AMZ1: variants seen among roughly 807,000 people sequenced by gnomAD.
AMZ1 encodes the protein archaelysin family metallopeptidase 1, also known as archaemetzincin-1.
Under a neutral mutation model 29.9 loss-of-function variants are expected in AMZ1, and 39 were observed. That is an observed-to-expected ratio of 1.30 (90% confidence interval 1.01 to 1.70). The LOEUF (loss-of-function observed/expected upper bound fraction) is 1.70, where lower values mean the gene tolerates loss of function less well. Ranked by LOEUF, AMZ1 falls within the 40% of genes most tolerant of loss-of-function variation. The pLI, the probability that AMZ1 is intolerant of heterozygous loss-of-function variation, is 0.00. For missense variants in AMZ1, 1,041 were observed against 680.6 expected (o/e 1.53, Z -5.89); for synonymous variants, 458 against 304.0 (o/e 1.51, Z -5.27).
chr7:2,728,798 T>C (rs1388217763), intron 4 of AMZ1: 1 of 152,370 alleles, frequency 6.6e-6, no homozygotes, highest in Non-Finnish European at 1.5e-5. Context: ...TTACAGAATT[T>C]GGAAGGGGGT....
intron 1 of AMZ1, among the ~76,000 whole-genome samples, chr7:2,693,056 G>C (rs554073915): frequency 1.3e-5 from 2 of 152,292 alleles, no homozygotes; most frequent in East Asian, 3.9e-4. Flanking sequence ...TGGGAGTGTG[G>C]GCCTGGCACG....
chr7:2,733,763 T>C (rs1330350814), intron 4 of AMZ1, among the ~76,000 whole-genome samples: 1 of 152,226 alleles, frequency 6.6e-6, no homozygotes, highest in Non-Finnish European at 1.5e-5. Context: ...GGTTTTGGTG[T>C]GTGGTGCGAT....
At position 2,700,377 on chromosome 7, in the gene AMZ1, A is replaced by T; in HGVS notation, c.-75A>T. 1 of 1,512,388 alleles carries T rather than the reference A, an allele frequency of 6.6e-7. No individual in the cohort carries two copies. Among genetic ancestry groups the T allele is most frequent in the African/African-American group, 1.4e-5 (1 of 72,952 alleles). 93.7% of individuals were successfully genotyped at this position (1,512,388 alleles called of 1,614,324 possible). On this transcript the variant is annotated 5_prime_UTR_variant, in exon 2 of 7. Transcript: ENST00000683327. ...AGCCCGAGGGAAGATTCTGGACGAG[A>T]CCGTGGCCGTCCCCCGGGTGGCCCA...
chr7:2,734,207 C>T (rs1790043719), intron 4 of AMZ1, among the ~76,000 whole-genome samples: 1 of 152,202 alleles, frequency 6.6e-6, no homozygotes, highest in Non-Finnish European at 1.5e-5. Flanking sequence ...CCGCCAAATG[C>T]GAGGCACACA....
chr7:2,708,437 T>C, intron 3 of AMZ1, 151 bp from the exon 4 acceptor site: 1 of 1,195,480 alleles, frequency 8.4e-7, no homozygotes, highest in Non-Finnish European at 1.2e-6. Context: ...CTGTGTGCCC[T>C]CAGGTCACAC....
chr7:2,741,274 G>C (rs1008558720), intron 4 of AMZ1, among the ~76,000 whole-genome samples: 1 of 152,100 alleles, frequency 6.6e-6, no homozygotes, highest in Non-Finnish European at 1.5e-5. Flanking sequence ...AGGATCACTT[G>C]AGCCCAGGAG....
chr7:2,750,464 C>T (rs1341827289), intron 4 of AMZ1, among the ~76,000 whole-genome samples: 1 of 152,202 alleles, frequency 6.6e-6, no homozygotes, highest in East Asian at 1.9e-4. Context: ...TTGAATAATA[C>T]CCAACCTTAT....
chr7:2,709,106 A>G lies in AMZ1; in HGVS notation c.633A>G (p.Ser211=), dbSNP rs749616241. ...EVGVCSFARF[S]GEFPKSGPSA... is the part of the protein sequence containing the mutation. ...GCGTCTGCAGCTTCGCCCGGTTCTC[A>G]GGGGAATTCCCGAAGTCGGGGCCCA... Residue 211 remains serine (S), a synonymous_variant, in exon 5 of 7, where the codon TCA becomes TCG. Transcript: ENST00000683327. 5 of 1,600,938 alleles carry G rather than the reference A, an allele frequency of 3.1e-6. No individual in the cohort carries two copies. Among genetic ancestry groups the G allele is most frequent in the Non-Finnish European group, 3.4e-6 (4 of 1,174,060 alleles).
intron 4 of AMZ1, among the ~76,000 whole-genome samples, chr7:2,738,711 A>T (rs910431930): frequency 2.6e-5 from 4 of 151,820 alleles, no homozygotes; most frequent in South Asian, 2.1e-4. Flanking sequence ...TTCCATAATT[A>T]AAAAAAAATT....
At position 2,712,673 on chromosome 7, in the gene AMZ1, A is replaced by G; in HGVS notation, c.1292A>G (p.Asp431Gly). Residue 431 changes from aspartate to glycine, a missense_variant, in exon 7 of 7, where the codon GAC becomes GGC. Transcript: ENST00000683327. Reference sequence around the variant, plus strand: ...GCAGAGGAGGACCTGGTGCAGGTGGACAGAGCCGTGGACGCCCTCGACCGC... The same window carrying G: ...GCAGAGGAGGACCTGGTGCAGGTGGGCAGAGCCGTGGACGCCCTCGACCGC... ...EVAEEDLVQV[D>G]RAVDALDRWE... 6.2e-7 allele frequency: 1 copy of G among 1,612,994 alleles called. No individual in the cohort carries two copies. The highest frequency in any genetic ancestry group is 1.1e-5 in the South Asian group (1 of 91,038).
chr7:2,758,387 A>G lies in AMZ1; in HGVS notation n.551-6325A>G, dbSNP rs1350398249. Among the ~76,000 whole-genome samples the G allele has an allele frequency of 2.6e-5, 4 of 152,090 alleles. No individual in the cohort carries two copies. In the South Asian group the frequency reaches 6.2e-4, roughly 24 times the overall value. Reference sequence around the variant, plus strand: ...AAGCTCCAATGCAGGCTTGCACATGAAAGAGGGTGTAAAGGGCAGACAGTG... The same window carrying G: ...AAGCTCCAATGCAGGCTTGCACATGGAAGAGGGTGTAAAGGGCAGACAGTG... On this transcript the variant is annotated intron_variant and non_coding_transcript_variant, in intron 4 of 4. Coordinates refer to the AMZ1 transcript ENST00000489665.
chr7:2,709,309 C>A, intron 5 of AMZ1, 65 bp downstream of exon 5: 4 of 1,414,762 alleles, frequency 2.8e-6, no homozygotes, highest in Non-Finnish European at 3.7e-6. Context: ...CTTGGTGCCT[C>A]GGTCTGTTAC....
intron 4 of AMZ1, among the ~76,000 whole-genome samples, chr7:2,747,612 A>G (rs1284782048): frequency 3.3e-5 from 5 of 152,232 alleles, no homozygotes; most frequent in Non-Finnish European, 5.9e-5. Flanking sequence ...AACTGGCACA[A>G]GACAGGGATG....
chr7:2,764,675 G>A (rs1375350343), exon 1 of AMZ1: 1 of 152,206 alleles, frequency 6.6e-6, no homozygotes, highest in Non-Finnish European at 1.5e-5. Flanking sequence ...CTGTCTGAAT[G>A]CATCTGAGTT....
chr7:2,757,062 G>A (rs376236406), intron 4 of AMZ1, among the ~76,000 whole-genome samples: 57 of 151,546 alleles, frequency 3.8e-4, no homozygotes, highest in African/African-American at 9.9e-4. Context: ...GCAACAGAGC[G>A]ATACTCTGTC....
At chr7:2,759,001 G>C (rs1011061285) in intron 4 of AMZ1, among the ~76,000 whole-genome samples, 26 of 151,170 alleles carry the variant, frequency 1.7e-4, no homozygotes, top group African/African-American at 6.1e-4. Flanking sequence ...CTAGCGGGGC[G>C]TGGTGGTGGG....
upstream of AMZ1, among the ~76,000 whole-genome samples, chr7:2,684,658 G>A (rs1231064406): frequency 6.6e-6 from 1 of 152,202 alleles, no homozygotes; most frequent in Non-Finnish European, 1.5e-5. Flanking sequence ...TGTCCCGGGT[G>A]CAGTGTGGAC....
chr7:2,762,007 C>T (rs1265390491), upstream of AMZ1, among the ~76,000 whole-genome samples: 1 of 152,252 alleles, frequency 6.6e-6, no homozygotes, highest in Non-Finnish European at 1.5e-5. Context: ...GGCCTCCCAG[C>T]ACTCACACAG....
intron 4 of AMZ1, among the ~76,000 whole-genome samples, chr7:2,737,269 G>GTTTTTTTTTTTTTTT (rs1317020597): frequency 1.0e-4 from 4 of 38,128 alleles, no homozygotes; most frequent in South Asian, 1.6e-3. Context: ...TCACAGTTTT[G>GTTTTTTTTTTTTTTT]TTTTGTTTTT....
Sources: allele counts gnomAD v4.1 joint callset (sites outside exome capture counted in the v4.1 genomes callset), GRCh38; gene constraint gnomAD v4.1.1; transcripts MANE v1.5; gene names NCBI Gene and HGNC (gene_info 2026-07-23, HGNC 2026-07-21).